The following ODF2L variants were observed in gnomAD, a reference collection of about 807,000 sequenced individuals.
ODF2L encodes the protein protein BCAP.
Under a neutral mutation model 86.3 loss-of-function variants are expected in ODF2L, and 76 were observed. That is an observed-to-expected ratio of 0.88 (90% CI 0.73 to 1.07). The LOEUF (loss-of-function observed/expected upper bound fraction) is 1.07, where lower values mean the gene tolerates loss of function less well. ODF2L is among the 50% of genes least tolerant of loss of function. ODF2L has a pLI of 0.00. For missense variants in ODF2L, 748 were observed against 717.4 expected (o/e 1.04, Z -0.49); for synonymous variants, 241 against 231.3 (o/e 1.04, Z -0.38).
In ODF2L at chr1:86,376,335, C is replaced by T. The variant is rs145475414; in HGVS notation, c.708G>A (p.Arg236=). 1.0e-3 allele frequency: 1,659 copies of T among 1,611,544 alleles called. 3 individuals are homozygous for T. Among genetic ancestry groups the T allele is most frequent in the Non-Finnish European group, 1.3e-3 (1,566 of 1,178,178 alleles). ...CCTTTTTTAAAGCTACAGTTTTTTGCCTACTTGCTTCTTTCATCACTATAG... is the reference window on the plus strand; with the variant it reads ...CCTTTTTTAAAGCTACAGTTTTTTGTCTACTTGCTTCTTTCATCACTATAG... The change falls in exon 8 of 18, where the codon AGG becomes AGA. Residue 236 remains arginine (R), a synonymous_variant. Coordinates refer to ENST00000317336, the Ensembl canonical transcript of ODF2L.
At chr1:86,371,217 T>A in intron 9 of ODF2L, 64 bp from the exon 10 acceptor site, 8 of 854,674 alleles carry the variant, frequency 9.4e-6, no homozygotes, top group Non-Finnish European at 1.2e-5. Flanking sequence ...TAACACATTT[T>A]AAGTGTGTTT....
intron 14 of ODF2L, chr1:86,355,253 T>C: frequency 1.2e-6 from 1 of 816,650 alleles, no homozygotes; most frequent in Non-Finnish European, 2.0e-6. Flanking sequence ...AAATACTGAT[T>C]AATAATTGAG....
At chr1:86,366,611 A>AT (rs1370170584) in intron 11 of ODF2L, among the ~76,000 whole-genome samples, 1 of 151,850 alleles carries the variant, frequency 6.6e-6, no homozygotes, top group Non-Finnish European at 1.5e-5. Context: ...GTCTCAAAAA[A>AT]AAAAAGTGCC....
intron 8 of ODF2L, among the ~76,000 whole-genome samples, chr1:86,375,909 A>G (rs1327237821): frequency 2.6e-5 from 4 of 152,170 alleles, no homozygotes; most frequent in Non-Finnish European, 5.9e-5. Context: ...ATAGACCACA[A>G]TGTCCCAAGG....
At chr1:86,389,663 A>C (rs1661181978) in intron 1 of ODF2L, among the ~76,000 whole-genome samples, 1 of 152,116 alleles carries the variant, frequency 6.6e-6, no homozygotes, top group African/African-American at 2.4e-5. Context: ...TTAATCAAGA[A>C]GAGAAAAGAT....
intron 1 of ODF2L, among the ~76,000 whole-genome samples, chr1:86,394,451 T>C (rs186048946): frequency 3.4e-5 from 5 of 148,666 alleles, no homozygotes; most frequent in Admixed American, 3.4e-4. Context: ...AACATAAATA[T>C]AAAAATCTAC....
At chr1:86,382,205 C>G in intron 7 of ODF2L, 37 bp downstream of exon 7, 1 of 1,532,846 alleles carries the variant, frequency 6.5e-7, no homozygotes, top group Non-Finnish European at 8.7e-7. Context: ...AATTTTATCA[C>G]TTAAGCTATA....
chr1:86,355,146 T>C, intron 14 of ODF2L: 1 of 538,608 alleles, frequency 1.9e-6, no homozygotes, highest in East Asian at 3.0e-5. Flanking sequence ...AAGAAAGATA[T>C]TTATTTTGTT....
At chr1:86,368,065 CA>C (rs1291206586) in intron 11 of ODF2L, among the ~76,000 whole-genome samples, 1 of 152,118 alleles carries the variant, frequency 6.6e-6, no homozygotes. Context: ...CGGCAAGCCA[CA>C]GAGGTACACA....
chr1:86,354,420 C>T, intron 16 of ODF2L, 110 bp downstream of exon 15: 1 of 674,102 alleles, frequency 1.5e-6, no homozygotes, highest in South Asian at 2.2e-5. Flanking sequence ...GTAATTGCTC[C>T]CTTCACCCTG....
chr1:86,387,250 A>G (rs1323050583), intron 1 of ODF2L, among the ~76,000 whole-genome samples, 164 bp from the exon 2 acceptor site: 1 of 152,240 alleles, frequency 6.6e-6, no homozygotes, highest in Non-Finnish European at 1.5e-5. Flanking sequence ...AATTGTATCA[A>G]AATTTCATAG....
At chr1:86,384,912 G>T in intron 3 of ODF2L, 111 bp from the exon 4 acceptor site, 1 of 764,980 alleles carries the variant, frequency 1.3e-6, no homozygotes, top group Non-Finnish European at 1.8e-6. Context: ...TCATTCTTTT[G>T]TGCATAGTAA....
chr1:86,375,503 A>T (rs1231190050), intron 8 of ODF2L, among the ~76,000 whole-genome samples: 1 of 152,148 alleles, frequency 6.6e-6, no homozygotes, highest in Non-Finnish European at 1.5e-5. Flanking sequence ...AAGCCTTAAC[A>T]TAAGTTCTTA....
intron 1 of ODF2L, among the ~76,000 whole-genome samples, chr1:86,394,076 C>A (rs1448368407): frequency 3.9e-5 from 6 of 152,176 alleles, no homozygotes; most frequent in African/African-American, 1.4e-4. Context: ...GAGCAGAGCA[C>A]TGACTGACCT....
At chr1:86,363,508 A>C (rs1659188692) in intron 11 of ODF2L, among the ~76,000 whole-genome samples, 1 of 152,176 alleles carries the variant, frequency 6.6e-6, no homozygotes, top group Non-Finnish European at 1.5e-5. Flanking sequence ...TAGTAGACAC[A>C]TTTAATTTGG....
chr1:86,366,616 AGT>A (rs1659460354), intron 11 of ODF2L, among the ~76,000 whole-genome samples: 1 of 151,390 alleles, frequency 6.6e-6, no homozygotes, highest in African/African-American at 2.4e-5. Context: ...AAAAAAAAAA[AGT>A]GCCAATTGGA....
chr1:86,353,008 A>G, intron 16 of ODF2L, 24 bp from the exon 16 acceptor site: 1 of 1,421,560 alleles, frequency 7.0e-7, no homozygotes, highest in East Asian at 2.3e-5. Context: ...CAAAAGAGTA[A>G]AATAAAGTGC....
chr1:86,390,247 T>A (rs1166418683), intron 1 of ODF2L, among the ~76,000 whole-genome samples: 2 of 151,956 alleles, frequency 1.3e-5, no homozygotes, highest in African/African-American at 4.8e-5. Context: ...ATGGTGAAAC[T>A]CTGTCTCTAC....
chr1:86,375,794 C>A (rs547286014), intron 8 of ODF2L, among the ~76,000 whole-genome samples: 1 of 152,286 alleles, frequency 6.6e-6, no homozygotes, highest in Admixed American at 6.5e-5. Context: ...TTGCTTTGTG[C>A]ATAAAAGACT....
Sources: gnomAD v4.1 joint callset for allele counts (sites outside exome capture counted in the v4.1 genomes callset) on GRCh38, gnomAD v4.1.1 for gene constraint, MANE v1.5 for transcripts, NCBI Gene and HGNC (gene_info 2026-07-23, HGNC 2026-07-21) for gene names.